Variants in TPO observed in about 807,000 individuals in gnomAD.
TPO encodes the protein thyroid microsomal antigen.
In TPO, 78 loss-of-function variants were observed where a neutral mutation model predicts 96.9. That is an observed-to-expected ratio of 0.81 (90% CI 0.67 to 0.97). TPO has a LOEUF of 0.97. Ranked by LOEUF, TPO falls within the 50% of genes least tolerant of loss-of-function variation. The probability of loss-of-function intolerance (pLI) is 0.00; values close to 1 mark genes in which losing one functional copy is unlikely to be tolerated. For missense variants in TPO, 1,252 were observed against 1,274.8 expected, an observed-to-expected ratio of 0.98 and a Z score of 0.27; for synonymous variants, 547 against 538.0, an observed-to-expected ratio of 1.02 and a Z score of -0.23.
At chr2:1,453,586 G>A (rs1011342843) in intron 5 of TPO, 108 bp from the exon 6 acceptor site, 68 of 1,561,802 alleles carry the variant, frequency 4.4e-5, no homozygotes, top group African/African-American at 1.8e-4. Flanking sequence ...TTGGGCCTCC[G>A]GAGAGACCCC....
chr2:1,498,477 T>A (rs1672571250), intron 13 of TPO, among the ~76,000 whole-genome samples: 1 of 152,240 alleles, frequency 6.6e-6, no homozygotes, highest in Admixed American at 6.5e-5. Flanking sequence ...GGCAGAGGCC[T>A]GCTACATAGG....
At chr2:1,469,439 G>A (rs1300990162) in intron 7 of TPO, among the ~76,000 whole-genome samples, 4 of 152,166 alleles carry the variant, frequency 2.6e-5, no homozygotes, top group Non-Finnish European at 4.4e-5. Context: ...TCCTAGGGAT[G>A]TGGCTTCCTG....
intron 14 of TPO, among the ~76,000 whole-genome samples, chr2:1,505,297 TA>T (rs1310387279): frequency 1.4e-5 from 2 of 139,920 alleles, no homozygotes; most frequent in East Asian, 4.5e-4. Flanking sequence ...CACTATCCTA[TA>T]TCAGGCACAT....
intron 10 of TPO, among the ~76,000 whole-genome samples, chr2:1,491,757 A>C (rs79259951): frequency 0.089 from 13,503 of 152,208 alleles, 705 homozygotes; most frequent in South Asian, 0.23. Context: ...GCTACAGTAG[A>C]TTGGGTGATA....
At chr2:1,385,989 A>G (rs978398920) in intron 1 of TPO, among the ~76,000 whole-genome samples, 2 of 152,102 alleles carry the variant, frequency 1.3e-5, no homozygotes, top group Non-Finnish European at 2.9e-5. Context: ...GTCATTCAGG[A>G]GCAGGTTGTT....
intron 15 of TPO, among the ~76,000 whole-genome samples, chr2:1,525,793 C>T (rs1287097661): frequency 1.4e-5 from 2 of 147,638 alleles, no homozygotes; most frequent in Non-Finnish European, 3.0e-5. Context: ...CTGTGTGCAA[C>T]CTCACCAAAT....
At chr2:1,531,462 G>A (rs1446386998) in intron 15 of TPO, among the ~76,000 whole-genome samples, 1 of 47,974 alleles carries the variant, frequency 2.1e-5, no homozygotes, top group Non-Finnish European at 3.4e-5. Flanking sequence ...CCCTCCCACT[G>A]TGTGCAGCCT....
chr2:1,535,588 GAAGACCTCCTCA>G (rs1350258829), intron 15 of TPO, among the ~76,000 whole-genome samples: 2 of 2,092 alleles, frequency 9.6e-4, no homozygotes, highest in Non-Finnish European at 1.8e-3. Context: ...CCCCCACTGC[GAAGACCTCCTCA>G]AATTGCCCCG....
At chr2:1,536,925 ATC>A (rs1679813439) in intron 15 of TPO, among the ~76,000 whole-genome samples, 2 of 94,306 alleles carry the variant, frequency 2.1e-5, no homozygotes, top group Non-Finnish European at 2.0e-5. Flanking sequence ...AACCTCCCAA[ATC>A]CCCCCCAATG....
At chr2:1,518,078 AC>A (rs1674893719) in intron 15 of TPO, among the ~76,000 whole-genome samples, 1 of 151,876 alleles carries the variant, frequency 6.6e-6, no homozygotes, top group Non-Finnish European at 1.5e-5. Flanking sequence ...ACCACCCCAT[AC>A]CACACATGTA....
chr2:1,414,795 C>T (rs1662721056), intron 2 of TPO, among the ~76,000 whole-genome samples: 1 of 152,118 alleles, frequency 6.6e-6, no homozygotes, highest in Admixed American at 6.5e-5. Context: ...TCTTCCTTTG[C>T]TACAGAATTA....
chr2:1,391,226 C>G (rs1192958021), intron 1 of TPO, among the ~76,000 whole-genome samples: 1 of 152,182 alleles, frequency 6.6e-6, no homozygotes, highest in Non-Finnish European at 1.5e-5. Context: ...AGGAAAGGAT[C>G]CAGTTTCAGC....
At chr2:1,396,322 A>C (rs1662079752) in intron 1 of TPO, among the ~76,000 whole-genome samples, 1 of 152,212 alleles carries the variant, frequency 6.6e-6, no homozygotes. Context: ...ACCACATCCC[A>C]AGAAGCGTTT....
chr2:1,433,289 A>G (rs1318741246), intron 3 of TPO, 149 bp from the exon 4 acceptor site: 3 of 935,938 alleles, frequency 3.2e-6, no homozygotes, highest in Non-Finnish European at 4.8e-6. Flanking sequence ...GCAACTGCAC[A>G]TGTTTTACCT....
intron 15 of TPO, among the ~76,000 whole-genome samples, chr2:1,522,149 T>C (rs1675350445): frequency 3.3e-5 from 1 of 30,746 alleles, no homozygotes; most frequent in Non-Finnish European, 7.4e-5. Flanking sequence ...GCCCTTACAG[T>C]CTCTACCCCA....
intron 15 of TPO, among the ~76,000 whole-genome samples, chr2:1,523,080 GTGTGCAACCTCCCCAAATCCTGCGCACTC>G (rs1365834165): frequency 2.1e-4 from 27 of 127,732 alleles, no homozygotes; most frequent in Admixed American, 2.0e-3. Flanking sequence ...TCCCGACACT[GTGTGCAACCTCCCCAAATCCTGCGCACTC>G]TGTGCAACCT....
At chr2:1,386,308 G>T (rs1288038571) in intron 1 of TPO, among the ~76,000 whole-genome samples, 1 of 152,152 alleles carries the variant, frequency 6.6e-6, no homozygotes, top group Admixed American at 6.5e-5. Context: ...AATGTTGACA[G>T]TGGGGTGTTA....
At chr2:1,494,153 T>C in intron 11 of TPO, 114 bp downstream of exon 11, 1 of 1,078,094 alleles carries the variant, frequency 9.3e-7, no homozygotes, top group South Asian at 1.3e-5. Context: ...CATTCAACTC[T>C]TACGTAAGCC....
In TPO at chr2:1,453,816, T is replaced by G; in HGVS notation, c.605T>G (p.Leu202Arg). 6.2e-7 allele frequency: 1 copy of G among 1,613,768 alleles called. No individual in the cohort carries two copies. Among genetic ancestry groups the G allele is most frequent in the South Asian group, 1.1e-5 (1 of 91,088 alleles). The change falls in exon 6 of 17, where the codon CTG (leucine) becomes CGG (arginine). Residue 202 changes from leucine (L) to arginine (R), a missense_variant. Leu to Arg is a moderately radical substitution (Grantham distance 102, BLOSUM62 -2). Coordinates refer to ENST00000329066, the MANE Select transcript of TPO (RefSeq NM_001206744.2). ...GGCTTCTTGTACAACGGGTTCCCACTGCCCCCGGTGGGTACTCAGAACGCT... is the reference window on the plus strand; with the variant it reads ...GGCTTCTTGTACAACGGGTTCCCACGGCCCCCGGTGGGTACTCAGAACGCT... ...NPGFLYNGFP[L>R]PPVREVTRHV...
Sources: gnomAD v4.1 joint callset for allele counts (sites outside exome capture counted in the v4.1 genomes callset) on GRCh38, gnomAD v4.1.1 for gene constraint, MANE v1.5 for transcripts, NCBI Gene and HGNC (gene_info 2026-07-23, HGNC 2026-07-21) for gene names.